TNS3: variants seen among roughly 807,000 people sequenced by gnomAD.
TNS3 encodes tensin 3.
In TNS3, 45 loss-of-function variants were observed where a neutral mutation model predicts 140.9. That is an observed-to-expected ratio of 0.32 (90% CI 0.25 to 0.41). The LOEUF (loss-of-function observed/expected upper bound fraction) is 0.41. Ranked by LOEUF, TNS3 falls within the 10% of genes least tolerant of loss-of-function variation. TNS3 has a pLI of 1.00. For synonymous variants in TNS3, 815 were observed against 788.4 expected, an observed-to-expected ratio of 1.03 and a Z score of -0.56; for missense variants, 1,716 against 1,906.7, an observed-to-expected ratio of 0.90 and a Z score of 1.86.
At chr7:47,470,650 C>G (rs144753782) in intron 4 of TNS3, 1 of 985,326 alleles carries the variant, frequency 1.0e-6, no homozygotes, top group Non-Finnish European at 1.2e-6. Context: ...GAACCACAGA[C>G]GCAGGTAATG....
intron 20 of TNS3, among the ~76,000 whole-genome samples, chr7:47,316,936 C>T (rs963324093): frequency 2.0e-5 from 3 of 152,134 alleles, no homozygotes; most frequent in Non-Finnish European, 2.9e-5. Flanking sequence ...ACTGGAAAAG[C>T]ATTTTCATGG....
intron 1 of TNS3, among the ~76,000 whole-genome samples, chr7:47,531,373 A>G (rs1799398001): frequency 6.6e-6 from 1 of 152,224 alleles, no homozygotes; most frequent in Non-Finnish European, 1.5e-5. Flanking sequence ...AAAACTTCTT[A>G]AAATATGCAA....
chr7:47,533,124 T>TATATATATATATGTA (rs56661018), intron 1 of TNS3, among the ~76,000 whole-genome samples: 1 of 26,976 alleles, frequency 3.7e-5, no homozygotes. Flanking sequence ...TATATATATA[T>TATATATATATATGTA]TTTTTTTTTT....
chr7:47,554,269 T>C (rs1800137596), intron 1 of TNS3, among the ~76,000 whole-genome samples: 1 of 151,478 alleles, frequency 6.6e-6, no homozygotes, highest in African/African-American at 2.4e-5. Flanking sequence ...AATACAAAAA[T>C]TAGCCAGGCA....
At chr7:47,316,219 T>C (rs1787401494) in intron 20 of TNS3, among the ~76,000 whole-genome samples, 1 of 151,764 alleles carries the variant, frequency 6.6e-6, no homozygotes, top group Non-Finnish European at 1.5e-5. Context: ...TTTCCATTAT[T>C]TGAGAGAGTT....
At position 47,344,855 on chromosome 7, in the gene TNS3, A is replaced by T; in HGVS notation, c.2567-17T>A. ...CTGTTTTCACTGGAAAAGAAAGCAG[A>T]GCAAGGGGCTGTTGTCACCCTCCTT... On this transcript the variant is annotated splice_polypyrimidine_tract_variant and intron_variant, in intron 19 of 30. Transcript: ENST00000311160. The T allele has an allele frequency of 6.2e-7, 1 of 1,613,866 alleles. No homozygotes were observed. The highest frequency in any genetic ancestry group is 8.5e-7 in the Non-Finnish European group (1 of 1,179,812).
chr7:47,415,357 T>C, intron 10 of TNS3, 151 bp from the exon 11 acceptor site: 1 of 585,656 alleles, frequency 1.7e-6, no homozygotes, highest in Non-Finnish European at 3.0e-6. Flanking sequence ...AGCATGGTGC[T>C]GCGCTTACAG....
chr7:47,534,709 C>T (rs1026172928), intron 1 of TNS3, among the ~76,000 whole-genome samples: 2 of 152,124 alleles, frequency 1.3e-5, no homozygotes, highest in Non-Finnish European at 1.5e-5. Flanking sequence ...GTTCCTATGT[C>T]GGTATCTGGT....
intron 2 of TNS3, among the ~76,000 whole-genome samples, chr7:47,516,484 C>T (rs1208808607): frequency 6.6e-6 from 1 of 152,168 alleles, no homozygotes; most frequent in African/African-American, 2.4e-5. Flanking sequence ...TCCCATCCTG[C>T]CTCTGCCTTG....
Position 47,439,667 on chromosome 7 carries a change from G to A in TNS3, c.-22-9C>T, listed in dbSNP as rs758043480. 5.6e-6 allele frequency: 9 copies of A among 1,613,158 alleles called. No homozygotes were observed. Among genetic ancestry groups the A allele is most frequent in the Non-Finnish European group, 8.5e-7 (1 of 1,179,690 alleles). On this transcript the variant is annotated splice_polypyrimidine_tract_variant and intron_variant, in intron 5 of 30. Coordinates refer to ENST00000311160, the MANE Select transcript of TNS3 (RefSeq NM_022748.12). ...GACTCAGGATGACGGGCCTGCGAGA[G>A]AGCAGTGGGCAGATCAGAAACAGGG...
intron 1 of TNS3, among the ~76,000 whole-genome samples, chr7:47,536,349 A>G (rs973960802): frequency 1.8e-5 from 2 of 108,364 alleles, no homozygotes; most frequent in East Asian, 7.1e-4. Context: ...AACTTAGGGA[A>G]AGGGAGGCTG....
chr7:47,527,399 G>A (rs985367724), intron 2 of TNS3, among the ~76,000 whole-genome samples: 34 of 152,324 alleles, frequency 2.2e-4, no homozygotes, highest in Middle Eastern at 3.4e-3. Flanking sequence ...AGGGGCTGCT[G>A]TATTTGCCCA....
chr7:47,449,303 A>C (rs13241485), intron 4 of TNS3, among the ~76,000 whole-genome samples: 18,734 of 152,232 alleles, frequency 0.12, 1,533 homozygotes, highest in East Asian at 0.16. Flanking sequence ...TCCCATTGCC[A>C]TGGGGTGAAA....
intron 1 of TNS3, among the ~76,000 whole-genome samples, chr7:47,566,093 G>A (rs10231852): frequency 0.04 from 6,016 of 152,298 alleles, 372 homozygotes; most frequent in African/African-American, 0.14. Flanking sequence ...AACCCAAAGT[G>A]TCTGACGCAG....
At position 47,369,283 on chromosome 7, in the gene TNS3, G is replaced by A. The variant is rs148721285; in HGVS notation, c.1363C>T (p.Arg455Cys). 3.1e-4 allele frequency: 503 copies of A among 1,614,164 alleles called. 4 individuals carry two copies. In the Middle Eastern group the frequency reaches 4.6e-3, roughly 15 times the overall value. Reference protein sequence around the residue: ...TDARSKYSGTRHVVPAQVHVN... With the variant: ...TDARSKYSGTCHVVPAQVHVN... ...TGAACCTGGGCTGGCACCACGTGGCGGGTCCCACTGTACTTGCTTCGAGCA... is the reference window on the plus strand; with the variant it reads ...TGAACCTGGGCTGGCACCACGTGGCAGGTCCCACTGTACTTGCTTCGAGCA... Residue 455 changes from arginine (R) to cysteine (C), a missense_variant, in exon 17 of 31, where the codon CGC becomes TGC. Arg to Cys is a radical substitution (Grantham distance 180). This residue lies in a region of TNS3 where 1,163 missense variants were observed against 1,182.1 expected (regional missense o/e 0.98). Coordinates refer to ENST00000311160, the MANE Select transcript of TNS3 (RefSeq NM_022748.12).
intron 3 of TNS3, 123 bp from the exon 4 acceptor site, chr7:47,481,264 T>C (rs922911790): frequency 1.5e-6 from 1 of 682,696 alleles, no homozygotes; most frequent in African/African-American, 1.9e-5. Flanking sequence ...GCTACAAAGC[T>C]GTAGCAGATC....
At chr7:47,439,218 C>T (rs1795338704) in intron 6 of TNS3, among the ~76,000 whole-genome samples, 1 of 152,220 alleles carries the variant, frequency 6.6e-6, no homozygotes, top group African/African-American at 2.4e-5. Context: ...ACTGGGGAGC[C>T]AGCCTCACTG....
chr7:47,414,121 G>T lies in TNS3; in HGVS notation c.587-124C>A. The T allele has an allele frequency of 2.8e-5, 28 of 992,934 alleles. No individual in the cohort carries two copies. In the South Asian group the frequency reaches 3.6e-4, roughly 13 times the overall value. The allele number at this position is 992,934 out of a possible 1,614,324, so 61.5% of individuals were successfully genotyped here. On this transcript the variant is annotated intron_variant, in intron 11 of 30. Coordinates refer to ENST00000311160, the MANE Select transcript of TNS3 (RefSeq NM_022748.12). The stretch of plus-strand genomic sequence containing the variant: ...ACTGCACCTGCGGCCTTTGAGGTCT[G>T]GGAAAGCAGTGCATGGAGCCACAGG...
chr7:47,470,686 C>T (rs898900449), intron 4 of TNS3: 1 of 982,622 alleles, frequency 1.0e-6, no homozygotes, highest in African/African-American at 1.7e-5. Context: ...AATCCAGTGT[C>T]TGTGAGCCAC....
Sources: allele counts gnomAD v4.1 joint callset (sites outside exome capture counted in the v4.1 genomes callset), GRCh38; gene constraint gnomAD v4.1.1; regional missense constraint gnomAD v4.1.1; transcripts MANE v1.5; gene names NCBI Gene and HGNC (gene_info 2026-07-23, HGNC 2026-07-21).